Variants in PLIN2 observed in about 807,000 individuals in gnomAD.
PLIN2 encodes the protein perilipin 2, also known as perilipin-2.
A neutral mutation model predicts 30.6 loss-of-function variants in PLIN2; 33 were observed. The observed-to-expected ratio is 1.08, with a 90% CI of 0.82 to 1.44. The LOEUF is 1.44. Ranked by LOEUF, PLIN2 falls within the 40% of genes most tolerant of loss-of-function variation. The pLI, the probability that PLIN2 is intolerant of heterozygous loss-of-function variation, is 0.00. For missense variants in PLIN2, 610 were observed against 531.8 expected, an observed-to-expected ratio of 1.15 and a Z score of -1.45; for synonymous variants, 205 against 201.1, an observed-to-expected ratio of 1.02 and a Z score of -0.16.
rs1588642072 is a variant in PLIN2, at chr9:19,116,398, C to G, written c.1164G>C (p.Val388=). 1 of 1,614,102 alleles carries G rather than the reference C, an allele frequency of 6.2e-7. No individual in the cohort carries two copies. The highest frequency in any genetic ancestry group is 1.3e-5 in the African/African-American group (1 of 74,946). The change falls in exon 8 of 8, where the codon GTG becomes GTC. Residue 388 remains valine, a synonymous_variant. Coordinates refer to ENST00000276914, the MANE Select transcript of PLIN2 (RefSeq NM_001122.4). ...GCGTGTTGTTAACAAGATAATCCAT[C>G]ACGTCATCTAAAGATTCCTTCATTT... ...LQKMKESLDD[V]MDYLVNNTPL...
intron 2 of PLIN2, chr9:19,108,762 T>G (rs1173465312): frequency 6.6e-6 from 1 of 152,608 alleles, no homozygotes; most frequent in Non-Finnish European, 1.5e-5. Context: ...AAAAGAAGAA[T>G]CTTGGATATT....
intron 7 of PLIN2, 70 bp from the exon 8 acceptor site, chr9:19,116,719 G>T: frequency 7.5e-7 from 1 of 1,333,770 alleles, no homozygotes; most frequent in South Asian, 1.3e-5. Flanking sequence ...ATGACAGTAG[G>T]CTGGTTATGT....
downstream of PLIN2, among the ~76,000 whole-genome samples, chr9:19,113,988 G>A (rs1818189432): frequency 6.6e-6 from 1 of 152,074 alleles, no homozygotes; most frequent in Non-Finnish European, 1.5e-5. Flanking sequence ...TGGCCAGGCT[G>A]GCCACTGTTG....
downstream of PLIN2, among the ~76,000 whole-genome samples, chr9:19,111,463 C>G (rs1410640401): frequency 6.6e-6 from 1 of 152,152 alleles, no homozygotes; most frequent in Non-Finnish European, 1.5e-5. Context: ...CTAATTCAGT[C>G]TTTTCCTTCT....
At chr9:19,119,621 C>A in intron 6 of PLIN2, 29 bp downstream of exon 6, 1 of 1,406,320 alleles carries the variant, frequency 7.1e-7, no homozygotes, top group Non-Finnish European at 9.7e-7. Context: ...GAACCCACTT[C>A]AGACACCTTA....
chr9:19,116,689 G>T (rs186277639), intron 7 of PLIN2, 40 bp from the exon 8 acceptor site: 1 of 1,568,166 alleles, frequency 6.4e-7, no homozygotes. Context: ...ATCCAACAGT[G>T]CTATGTATAA....
chr9:19,122,237 C>T (rs1818330364), intron 4 of PLIN2, among the ~76,000 whole-genome samples: 1 of 151,804 alleles, frequency 6.6e-6, no homozygotes, highest in Admixed American at 6.6e-5. Flanking sequence ...AAAAGATTTG[C>T]ACAAGCATTC....
At chr9:19,119,139 A>G (rs1200522694) in intron 6 of PLIN2, among the ~76,000 whole-genome samples, 1 of 152,248 alleles carries the variant, frequency 6.6e-6, no homozygotes, top group Admixed American at 6.5e-5. Context: ...AGAATGGTAC[A>G]TACTGTTCTT....
At chr9:19,118,245 G>A in intron 7 of PLIN2, 76 bp downstream of exon 7, 1 of 1,356,736 alleles carries the variant, frequency 7.4e-7, no homozygotes, top group Non-Finnish European at 1.0e-6. Flanking sequence ...CTAAGACATA[G>A]TATGGAAAAA....
intron 4 of PLIN2, among the ~76,000 whole-genome samples, chr9:19,122,362 G>A (rs1259423790): frequency 6.6e-6 from 1 of 151,820 alleles, no homozygotes; most frequent in African/African-American, 2.4e-5. Context: ...CCTATAACAG[G>A]TATACTTTTT....
intron 3 of PLIN2, 32 bp from the exon 4 acceptor site, chr9:19,123,679 G>A: frequency 6.4e-7 from 1 of 1,551,600 alleles, no homozygotes; most frequent in Non-Finnish European, 8.9e-7. Context: ...TGTTAATGTA[G>A]TACTATAGGT....
chr9:19,121,027 C>A lies in PLIN2; in HGVS notation c.448G>T (p.Glu150Ter). The change falls in exon 5 of 8, where the codon GAG becomes TAG. Residue 150 changes from glutamate to a stop codon, truncating the protein, a stop_gained. Coordinates refer to ENST00000276914, the MANE Select transcript of PLIN2 (RefSeq NM_001122.4). LOFTEE classifies it high-confidence loss of function. ...CCACTGACCACAGACTTGGTCTTCT[C>A]CACACTGCCAGTCACTGCCCCTTTG... ...KTKGAVTGSV[E>*]KTKSVVSGSI... is the part of the protein sequence containing the mutation. 1 of 1,614,206 alleles carries A rather than the reference C, an allele frequency of 6.2e-7. No homozygotes were observed. The highest frequency in any genetic ancestry group is 8.5e-7 in the Non-Finnish European group (1 of 1,180,022).
In PLIN2 at chr9:19,116,110, C is replaced by A. The variant is rs960607861; in HGVS notation, c.*138G>T. ...GCCAGAAACTTTAAAGCTCTTAATT[C>A]AGCTGGAAACAACTACAATTGAGGG... On this transcript the variant is annotated 3_prime_UTR_variant, in exon 8 of 8. Coordinates refer to ENST00000276914, the MANE Select transcript of PLIN2 (RefSeq NM_001122.4). 3.7e-5 allele frequency: 27 copies of A among 720,644 alleles called. No individual in the cohort carries two copies. The highest frequency in any genetic ancestry group is 5.9e-5 in the Non-Finnish European group (27 of 460,016). The allele number at this position is 720,644 out of a possible 1,614,324, so 44.6% of individuals were successfully genotyped here. A position where few individuals can be genotyped will look rare whatever the true frequency, so the allele number is the denominator to read the frequency against.
rs574856365 is a variant in PLIN2 at position 19,126,767 on chromosome 9, C to T, written c.-22-319G>A. 1.9e-3 allele frequency among the ~76,000 whole-genome samples: 287 copies of T among 152,316 alleles called. 3 individuals are homozygous for T. Among genetic ancestry groups the T allele is most frequent in the Non-Finnish European group, 3.4e-3 (230 of 68,026 alleles). ...TAACAAAAATGCTAGCCAAGCCGGA[C>T]GCGGTGGCTCACGCCTGTAATCCCA... On this transcript the variant is annotated intron_variant, in intron 1 of 7. Coordinates refer to ENST00000276914, the MANE Select transcript of PLIN2 (RefSeq NM_001122.4).
At chr9:19,126,083 T>G (rs1232618353) in intron 3 of PLIN2, 31 bp downstream of exon 3, 5 of 1,600,346 alleles carry the variant, frequency 3.1e-6, no homozygotes, top group Non-Finnish European at 4.3e-6. Flanking sequence ...GACCAGTCCC[T>G]TGACTTGCAT....
chr9:19,116,135 G>T lies in PLIN2; in HGVS notation c.*113C>A. On this transcript the variant is annotated 3_prime_UTR_variant, in exon 8 of 8. Transcript: ENST00000276914. ...CAGCTGGAAACAACTACAATTGAGG[G>T]CCTTTATACTAGCTACTTGCTTCCC... 1.1e-6 allele frequency: 1 copy of T among 932,674 alleles called. No individual in the cohort carries two copies. The highest frequency in any genetic ancestry group is 1.6e-6 in the Non-Finnish European group (1 of 631,498). 57.8% of individuals were successfully genotyped at this position (932,674 alleles called of 1,614,324 possible). A position where few individuals can be genotyped will look rare whatever the true frequency, so the allele number is the denominator to read the frequency against.
chr9:19,126,764 G>A (rs1006044195), intron 1 of PLIN2, among the ~76,000 whole-genome samples: 1 of 152,192 alleles, frequency 6.6e-6, no homozygotes, highest in Non-Finnish European at 1.5e-5. Flanking sequence ...TAGCCAAGCC[G>A]GACGCGGTGG....
At position 19,122,154 on chromosome 9, in the gene PLIN2, T is replaced by C. The variant is rs564013890; in HGVS notation, c.310-989A>G. Among the ~76,000 whole-genome samples the C allele has an allele frequency of 5.5e-5, 8 of 145,860 alleles. No individual in the cohort carries two copies. The East Asian group carries it at 1.6e-3, about 29-fold the overall frequency. ...AAAAAAGAACACAAGTTACCAACAT[T>C]TAAAGAAAATATCCGAAATGGAAAA... On this transcript the variant is annotated intron_variant, in intron 4 of 7. Transcript: ENST00000276914.
chr9:19,109,710 G>A (rs943884319), intron 2 of PLIN2, among the ~76,000 whole-genome samples: 6 of 152,056 alleles, frequency 3.9e-5, no homozygotes, highest in South Asian at 2.1e-4. Context: ...GCTCACGCCT[G>A]TAATCCCAAC....
Sources: gnomAD v4.1 joint callset for allele counts (sites outside exome capture counted in the v4.1 genomes callset) on GRCh38, gnomAD v4.1.1 for gene constraint, MANE v1.5 for transcripts, NCBI Gene and HGNC (gene_info 2026-07-23, HGNC 2026-07-21) for gene names.